The following CHCHD3 variants were observed in gnomAD, a reference collection of about 807,000 sequenced individuals.
The protein encoded by CHCHD3 is MICOS complex subunit MIC19.
In CHCHD3, 20 loss-of-function variants were observed where a neutral mutation model predicts 38.2. The ratio of observed to expected loss-of-function variants is 0.52; its 90% CI spans 0.37 to 0.76. The LOEUF is 0.76. Ranked by LOEUF, CHCHD3 falls within the 30% of genes least tolerant of loss-of-function variation. CHCHD3 has a pLI of 0.00. For synonymous variants in CHCHD3, 82 were observed against 100.0 expected (o/e 0.82, Z 1.07); for missense variants, 245 against 279.2 (o/e 0.88, Z 0.87).
intron 7 of CHCHD3, among the ~76,000 whole-genome samples, chr7:132,786,899 G>A (rs576180306): frequency 3.9e-5 from 6 of 152,140 alleles, no homozygotes; most frequent in African/African-American, 9.6e-5. Flanking sequence ...TTTTCCTTCC[G>A]TTTCCCAGTT....
chr7:132,912,421 G>C (rs1040599539), intron 4 of CHCHD3, among the ~76,000 whole-genome samples: 1 of 152,180 alleles, frequency 6.6e-6, no homozygotes, highest in Non-Finnish European at 1.5e-5. Flanking sequence ...GTGAAGTATG[G>C]GAGTAAATTA....
intron 4 of CHCHD3, among the ~76,000 whole-genome samples, chr7:132,898,468 G>A (rs1419125651): frequency 6.6e-6 from 1 of 152,196 alleles, no homozygotes; most frequent in African/African-American, 2.4e-5. Context: ...GTGTCGATTG[G>A]TGCATTCACA....
At chr7:132,798,838 G>A (rs1342147218) in intron 6 of CHCHD3, among the ~76,000 whole-genome samples, 1 of 152,192 alleles carries the variant, frequency 6.6e-6, no homozygotes, top group East Asian at 1.9e-4. Flanking sequence ...TCCTTAGAAA[G>A]AGGTAGTTTA....
intron 5 of CHCHD3, among the ~76,000 whole-genome samples, chr7:132,857,862 G>C (rs1352258819): frequency 6.6e-6 from 1 of 152,152 alleles, no homozygotes; most frequent in Non-Finnish European, 1.5e-5. Context: ...GGAGCTGAAG[G>C]AGAGTAAAGT....
intron 7 of CHCHD3, among the ~76,000 whole-genome samples, chr7:132,789,046 G>C (rs1376731096): frequency 1.3e-5 from 2 of 152,168 alleles, no homozygotes; most frequent in Non-Finnish European, 2.9e-5. Flanking sequence ...TCAGAACTCA[G>C]GGCTTTTGGC....
Position 132,867,556 on chromosome 7 carries a change from T to C in CHCHD3, c.453+18106A>G, listed in dbSNP as rs554690182. On this transcript the variant is annotated intron_variant, in intron 5 of 7. Transcript: ENST00000262570. ...TTTTATTTCAGTTGCTGATTGTTGA[T>C]TGAAATCAGCAAACCCTTCTCTCTC... 5.3e-5 allele frequency among the ~76,000 whole-genome samples: 8 copies of C among 152,286 alleles called. No homozygotes were observed. In the East Asian group the frequency reaches 9.7e-4, roughly 18 times the overall value.
chr7:132,837,531 A>C (rs1427044023), intron 6 of CHCHD3, among the ~76,000 whole-genome samples: 2 of 152,250 alleles, frequency 1.3e-5, no homozygotes, highest in Admixed American at 6.5e-5. Context: ...ATTTTAATCC[A>C]CATTACAATA....
intron 3 of CHCHD3, among the ~76,000 whole-genome samples, chr7:132,978,203 G>A (rs527916705): frequency 1.3e-5 from 2 of 152,254 alleles, no homozygotes; most frequent in African/African-American, 2.4e-5. Flanking sequence ...ATGCGGGTAG[G>A]AATACAGAGA....
intron 4 of CHCHD3, among the ~76,000 whole-genome samples, chr7:132,895,454 A>G (rs1248007530): frequency 6.6e-6 from 1 of 152,242 alleles, no homozygotes; most frequent in Non-Finnish European, 1.5e-5. Flanking sequence ...GTTGCCTAGG[A>G]GGCAAAATCG....
At chr7:132,882,760 C>A (rs1172793597) in intron 5 of CHCHD3, among the ~76,000 whole-genome samples, 1 of 152,002 alleles carries the variant, frequency 6.6e-6, no homozygotes, top group Non-Finnish European at 1.5e-5. Context: ...ATAGTAAAAC[C>A]TGATGACAAA....
At chr7:133,027,335 A>G (rs919815476) in intron 2 of CHCHD3, among the ~76,000 whole-genome samples, 1 of 148,672 alleles carries the variant, frequency 6.7e-6, no homozygotes, top group African/African-American at 2.5e-5. Flanking sequence ...GAATATTATG[A>G]TATGCTAAAT....
At chr7:132,901,624 T>C (rs1809670125) in intron 4 of CHCHD3, among the ~76,000 whole-genome samples, 1 of 152,230 alleles carries the variant, frequency 6.6e-6, no homozygotes, top group Admixed American at 6.5e-5. Context: ...TTTTGAGAAG[T>C]GTCTGTTCAT....
intron 4 of CHCHD3, among the ~76,000 whole-genome samples, chr7:132,939,419 T>C (rs1810709829): frequency 6.6e-6 from 1 of 152,176 alleles, no homozygotes; most frequent in Admixed American, 6.5e-5. Context: ...TTTATAAATA[T>C]GTTTAGATAC....
chr7:132,793,265 A>C (rs1806512089), intron 7 of CHCHD3, among the ~76,000 whole-genome samples: 1 of 152,226 alleles, frequency 6.6e-6, no homozygotes, highest in African/African-American at 2.4e-5. Flanking sequence ...AAAGGTAAGA[A>C]GAGGTAATCC....
At chr7:133,025,019 AT>A (rs1205660968) in intron 2 of CHCHD3, among the ~76,000 whole-genome samples, 9 of 152,256 alleles carry the variant, frequency 5.9e-5, no homozygotes, top group African/African-American at 1.9e-4. Flanking sequence ...ACAAAAAAAA[AT>A]CTTCTCATTT....
Position 133,035,947 on chromosome 7 carries a change from C to G in CHCHD3, c.170-11320G>C. 7.3e-6 allele frequency: 11 copies of G among 1,502,200 alleles called. No individual in the cohort carries two copies. The highest frequency in any genetic ancestry group is 1.0e-5 in the Non-Finnish European group (11 of 1,089,922). The allele number at this position is 1,502,200 out of a possible 1,614,324, so 93.1% of individuals were successfully genotyped here. On this transcript the variant is annotated intron_variant, in intron 2 of 7. Coordinates refer to ENST00000262570, the MANE Select transcript of CHCHD3 (RefSeq NM_017812.4). The surrounding 1 kb of genome is among the most constrained non-coding windows in gnomAD (Gnocchi z 4.7). Reference sequence around the variant, plus strand: ...GTGATTCCGCAAAGAAAGGCTGGATCCAGTCTTAAAAGTGTTATCAGGTAG... The same window carrying G: ...GTGATTCCGCAAAGAAAGGCTGGATGCAGTCTTAAAAGTGTTATCAGGTAG...
chr7:133,070,877 C>T (rs766799013), intron 1 of CHCHD3, among the ~76,000 whole-genome samples: 1 of 152,166 alleles, frequency 6.6e-6, no homozygotes, highest in Non-Finnish European at 1.5e-5. Context: ...CACATGTAGC[C>T]AGGCTTTGAA....
intron 5 of CHCHD3, among the ~76,000 whole-genome samples, chr7:132,862,492 C>T (rs1384908670): frequency 6.6e-6 from 1 of 152,152 alleles, no homozygotes; most frequent in Non-Finnish European, 1.5e-5. Context: ...AAAATGCTAA[C>T]AATCATCTGA....
chr7:133,016,228 T>C (rs1351016342), intron 3 of CHCHD3, among the ~76,000 whole-genome samples: 3 of 152,314 alleles, frequency 2.0e-5, no homozygotes, highest in East Asian at 1.9e-4. Flanking sequence ...GGGTGTTATA[T>C]AGTTGAAATG....
Sources: gnomAD v4.1 joint callset for allele counts (sites outside exome capture counted in the v4.1 genomes callset) on GRCh38, gnomAD v4.1.1 for gene constraint, Gnocchi (gnomAD v3.1) non-coding constraint, MANE v1.5 for transcripts, NCBI Gene and HGNC (gene_info 2026-07-23, HGNC 2026-07-21) for gene names.